The following PARD3B variants were observed in gnomAD, a reference collection of about 807,000 sequenced individuals.
PARD3B encodes par-3 family cell polarity regulator beta, also known as partitioning defective 3 homolog B.
In PARD3B, 103 loss-of-function variants were observed where a neutral mutation model predicts 130.2. The ratio of observed to expected loss-of-function variants is 0.79; its 90% CI spans 0.67 to 0.93. The LOEUF is 0.93. Ranked by LOEUF, PARD3B falls within the 40% of genes least tolerant of loss-of-function variation. The pLI is 0.00. For synonymous variants in PARD3B, 583 were observed against 553.2 expected, an observed-to-expected ratio of 1.05 and a Z score of -0.76; for missense variants, 1,609 against 1,499.2, an observed-to-expected ratio of 1.07 and a Z score of -1.21.
At chr2:205,204,424 C>A (rs1420166285) in intron 15 of PARD3B, among the ~76,000 whole-genome samples, 1 of 151,994 alleles carries the variant, frequency 6.6e-6, no homozygotes, top group Non-Finnish European at 1.5e-5. Context: ...ATGATAGTTT[C>A]TTTTGCTGTG....
chr2:204,663,133 G>C (rs1385444838), intron 1 of PARD3B, among the ~76,000 whole-genome samples: 7 of 152,134 alleles, frequency 4.6e-5, no homozygotes, highest in African/African-American at 1.7e-4. Context: ...GTAGACATGA[G>C]CTTAATCCAA....
At chr2:205,052,148 C>A (rs1457869963) in intron 4 of PARD3B, among the ~76,000 whole-genome samples, 2 of 151,906 alleles carry the variant, frequency 1.3e-5, no homozygotes, top group Non-Finnish European at 2.9e-5. Context: ...TGGAACAGAA[C>A]TCTAAAACAG....
At chr2:205,401,212 A>C in intron 19 of PARD3B, 89 bp downstream of exon 19, 7 of 1,108,036 alleles carry the variant, frequency 6.3e-6, no homozygotes, top group Non-Finnish European at 9.3e-6. Context: ...GAGAAATTTC[A>C]TTTTAAGAAG....
intron 16 of PARD3B, among the ~76,000 whole-genome samples, chr2:205,248,252 A>AT (rs1416754722): frequency 4.0e-5 from 6 of 151,836 alleles, no homozygotes; most frequent in African/African-American, 1.5e-4. Flanking sequence ...CACTCCCCCA[A>AT]TTTTTTACAT....
chr2:205,210,753 A>T (rs868237254), intron 15 of PARD3B, among the ~76,000 whole-genome samples: 2 of 152,152 alleles, frequency 1.3e-5, no homozygotes, highest in African/African-American at 4.8e-5. Context: ...TTATAGGCTT[A>T]AAAAGGTTAT....
intron 1 of PARD3B, among the ~76,000 whole-genome samples, chr2:204,674,438 C>G (rs2036440162): frequency 6.8e-6 from 1 of 147,856 alleles, no homozygotes; most frequent in African/African-American, 2.5e-5. Flanking sequence ...GTATTATCCC[C>G]AATCCTTTTT....
Position 205,158,659 on chromosome 2 carries a change from G to C in PARD3B, c.1435-63G>C. On this transcript the variant is annotated intron_variant, in intron 10 of 22. Coordinates refer to ENST00000406610, the MANE Select transcript of PARD3B (RefSeq NM_001302769.2). The surrounding 1 kb of genome is among the most constrained non-coding windows in gnomAD (Gnocchi z 5.4). ...TGATTGCATCTGTGTCTGGTCATCT[G>C]AGAGAGTGAAATATTAATCTGCTTT... is the stretch of plus-strand genomic sequence containing the variant. 6 of 1,465,176 alleles carry C rather than the reference G, an allele frequency of 4.1e-6. No individual in the cohort carries two copies. The allele number at this position is 1,465,176 out of a possible 1,614,324, so 90.8% of individuals were successfully genotyped here. A position where few individuals can be genotyped will look rare whatever the true frequency, so the allele number is the denominator to read the frequency against.
At chr2:205,119,385 T>A (rs2030362327) in intron 7 of PARD3B, among the ~76,000 whole-genome samples, 1 of 152,162 alleles carries the variant, frequency 6.6e-6, no homozygotes, top group South Asian at 2.1e-4. Flanking sequence ...TGGTTCAGCT[T>A]ATTAATTAAC....
chr2:205,113,758 A>G (rs1703825599), intron 6 of PARD3B, among the ~76,000 whole-genome samples, 181 bp downstream of exon 6: 1 of 152,250 alleles, frequency 6.6e-6, no homozygotes, highest in Non-Finnish European at 1.5e-5. Flanking sequence ...TGACTTTAGG[A>G]TGTAATGGGG....
intron 1 of PARD3B, among the ~76,000 whole-genome samples, chr2:204,676,412 A>C (rs899743017): frequency 6.6e-6 from 1 of 152,080 alleles, no homozygotes; most frequent in East Asian, 1.9e-4. Flanking sequence ...GTAACAGGGG[A>C]ATCCTGCAGA....
chr2:205,063,697 C>A (rs1700190682), intron 4 of PARD3B, among the ~76,000 whole-genome samples: 1 of 152,010 alleles, frequency 6.6e-6, no homozygotes, highest in Non-Finnish European at 1.5e-5. Context: ...AAATGAGGTA[C>A]ATAGAGGTTA....
In PARD3B at chr2:205,554,511, A is replaced by AAGTT. The variant is rs1470925793; in HGVS notation, c.3260+1110_3260+1113dup. Reference sequence around the variant, plus strand: ...AATACAATATTTTAAAACTTTTATAAAGTTATATTTTATTTATCTTCCTGT... The same window carrying AAGTT: ...AATACAATATTTTAAAACTTTTATAAAGTTAGTTATATTTTATTTATCTTCCTGT... On this transcript the variant is annotated intron_variant, in intron 22 of 22. Transcript: ENST00000406610. 8.5e-5 allele frequency among the ~76,000 whole-genome samples: 13 copies of AAGTT among 152,304 alleles called. No individual in the cohort carries two copies. In the South Asian group the frequency reaches 2.7e-3, roughly 32 times the overall value.
At chr2:205,139,698 C>T (rs1237125551) in intron 10 of PARD3B, among the ~76,000 whole-genome samples, 2 of 151,760 alleles carry the variant, frequency 1.3e-5, no homozygotes. Flanking sequence ...CTAGATAGAA[C>T]TTTGTCTTCA....
At chr2:205,513,590 A>G (rs1284457463) in intron 21 of PARD3B, among the ~76,000 whole-genome samples, 1 of 152,144 alleles carries the variant, frequency 6.6e-6, no homozygotes, top group Non-Finnish European at 1.5e-5. Context: ...GGAAAAGAAT[A>G]GTCATTTTCA....
intron 20 of PARD3B, among the ~76,000 whole-genome samples, chr2:205,442,691 A>G (rs1193253230): frequency 6.6e-6 from 1 of 152,210 alleles, no homozygotes; most frequent in Non-Finnish European, 1.5e-5. Flanking sequence ...ACCAGCATGC[A>G]TCATCCCCCA....
chr2:205,580,398 T>A (rs1030410659), intron 22 of PARD3B, among the ~76,000 whole-genome samples: 2 of 152,160 alleles, frequency 1.3e-5, no homozygotes, highest in African/African-American at 4.8e-5. Context: ...TCCGGTCTCT[T>A]CCTTGACATC....
intron 13 of PARD3B, among the ~76,000 whole-genome samples, chr2:205,178,143 TAAAAAAAAAAAAAAAAAAAAAAA>T (rs58267787): frequency 4.8e-5 from 1 of 20,772 alleles, no homozygotes; most frequent in Non-Finnish European, 7.8e-5. Context: ...CCATCTGTAC[TAAAAAAAAAAAAAAAAAAAAAAA>T]AAAAAAAAAA....
At position 205,398,971 on chromosome 2, in the gene PARD3B, G is replaced by T. The variant is rs6734036; in HGVS notation, c.2631-2042G>T. Among the ~76,000 whole-genome samples, 943 of 152,198 alleles carry T rather than the reference G, an allele frequency of 6.2e-3. 14 individuals carry two copies. The highest frequency in any genetic ancestry group is 0.021 in the African/African-American group (884 of 41,550). On this transcript the variant is annotated intron_variant, in intron 18 of 22. Transcript: ENST00000406610. ...AAGCCGGCCCATACATGTATAATTT[G>T]AAAAAGTCTAAGAATCGCTGGGCAC...
At position 204,610,070 on chromosome 2, in the gene PARD3B, C is replaced by A. The variant is rs2033867996; in HGVS notation, c.120+63951C>A. On this transcript the variant is annotated intron_variant, in intron 1 of 22. Coordinates refer to ENST00000406610, the MANE Select transcript of PARD3B (RefSeq NM_001302769.2). This position sits in a 1 kb window ranked among gnomAD's most constrained non-coding sequence, Gnocchi z 4.1. ...CGTCTGTTTTTTCAGTCTTATGATG[C>A]CAATTTCAATGTTAATGCTGGCCAG... Among the ~76,000 whole-genome samples the A allele has an allele frequency of 6.6e-6, 1 of 151,976 alleles. No homozygotes were observed. The highest frequency in any genetic ancestry group is 1.5e-5 in the Non-Finnish European group (1 of 67,988).
Sources: allele counts gnomAD v4.1 joint callset (sites outside exome capture counted in the v4.1 genomes callset), GRCh38; gene constraint gnomAD v4.1.1; non-coding constraint Gnocchi (gnomAD v3.1); transcripts MANE v1.5; gene names NCBI Gene and HGNC (gene_info 2026-07-23, HGNC 2026-07-21).